Variants in PTK2 observed in about 807,000 individuals in gnomAD.
PTK2 encodes the protein protein tyrosine kinase 2, also known as focal adhesion kinase 1.
In PTK2, 45 loss-of-function variants were observed where a neutral mutation model predicts 150.1. The ratio of observed to expected loss-of-function variants is 0.30; its 90% confidence interval spans 0.24 to 0.38. The LOEUF is 0.38. Ranked by LOEUF, PTK2 falls within the 10% of genes least tolerant of loss-of-function variation. The probability of loss-of-function intolerance (pLI) is 1.00; values close to 1 mark genes in which losing one functional copy is unlikely to be tolerated. For missense variants in PTK2, 919 were observed against 1,307.3 expected (o/e 0.70, Z 4.58); for synonymous variants, 432 against 449.2 (o/e 0.96, Z 0.48).
At chr8:140,675,385 G>T in intron 28 of PTK2, 75 bp downstream of exon 31, 1 of 1,491,424 alleles carries the variant, frequency 6.7e-7, no homozygotes, top group Non-Finnish European at 9.3e-7. Context: ...CCAAAGCTAC[G>T]ACACTATATA....
intron 2 of PTK2, among the ~76,000 whole-genome samples, chr8:140,911,183 A>G (rs1327611001): frequency 6.6e-6 from 1 of 151,698 alleles, no homozygotes; most frequent in Non-Finnish European, 1.5e-5. Context: ...GAGCCACAGC[A>G]CCCAGCACTT....
chr8:140,774,329 G>A (rs1383841655), intron 14 of PTK2, among the ~76,000 whole-genome samples: 1 of 152,200 alleles, frequency 6.6e-6, no homozygotes, highest in Non-Finnish European at 1.5e-5. Flanking sequence ...GGTTATAACT[G>A]CAGAGGGCTA....
intron 22 of PTK2, among the ~76,000 whole-genome samples, chr8:140,733,054 T>C (rs1200601969): frequency 1.3e-5 from 2 of 152,182 alleles, no homozygotes; most frequent in Admixed American, 1.3e-4. Flanking sequence ...GAAAGTTGTT[T>C]TGACCAGGGG....
At chr8:140,921,451 CTT>C (rs978441848) in intron 2 of PTK2, among the ~76,000 whole-genome samples, 2 of 152,130 alleles carry the variant, frequency 1.3e-5, no homozygotes, top group Non-Finnish European at 2.9e-5. Flanking sequence ...AAAGTCATGC[CTT>C]TGTCATTTTA....
At chr8:140,890,544 C>G (rs752213271) in exon 3 of PTK2, 1 of 1,612,806 alleles carries the variant, frequency 6.2e-7, no homozygotes, top group South Asian at 1.1e-5. Flanking sequence ...CGTACTTACC[C>G]TGACATCAGT....
chr8:140,866,082 C>T (rs934143851), intron 4 of PTK2, among the ~76,000 whole-genome samples: 3 of 152,204 alleles, frequency 2.0e-5, no homozygotes, highest in Non-Finnish European at 2.9e-5. Context: ...TGAGCCACCA[C>T]ATCTGGCCTG....
At chr8:140,731,329 T>C (rs1248862377) in intron 22 of PTK2, among the ~76,000 whole-genome samples, 3 of 152,200 alleles carry the variant, frequency 2.0e-5, no homozygotes, top group Non-Finnish European at 4.4e-5. Context: ...ACAAAAATGC[T>C]AGAGTACGCA....
chr8:140,688,126 A>C (rs2100021059), intron 26 of PTK2, among the ~76,000 whole-genome samples: 1 of 152,190 alleles, frequency 6.6e-6, no homozygotes, highest in Non-Finnish European at 1.5e-5. Flanking sequence ...ACATTCTAAT[A>C]ATCAGAGGCA....
exon 9 of PTK2, chr8:140,818,963 T>G: frequency 1.2e-6 from 2 of 1,613,650 alleles, no homozygotes; most frequent in East Asian, 2.2e-5. Flanking sequence ...CTTTCTTCTC[T>G]ATTAAGGTTG....
chr8:140,698,924 A>ATTTTT (rs10713722), intron 26 of PTK2, among the ~76,000 whole-genome samples: 8 of 96,180 alleles, frequency 8.3e-5, no homozygotes, highest in South Asian at 3.7e-4. Context: ...TAATTTTTGT[A>ATTTTT]TTTTTTTTTT....
At chr8:140,835,070 G>C (rs2100117892) in intron 7 of PTK2, among the ~76,000 whole-genome samples, 1 of 152,174 alleles carries the variant, frequency 6.6e-6, no homozygotes, top group Admixed American at 6.5e-5. Context: ...ACCTGCACCA[G>C]CTGACTGCCA....
chr8:140,859,357 T>C (rs547581967), intron 5 of PTK2, among the ~76,000 whole-genome samples: 10 of 152,212 alleles, frequency 6.6e-5, no homozygotes, highest in South Asian at 2.1e-4. Flanking sequence ...ATCTGAGCAG[T>C]AGGGTCATGG....
intron 22 of PTK2, among the ~76,000 whole-genome samples, chr8:140,722,183 G>A (rs921468918): frequency 6.6e-6 from 1 of 152,188 alleles, no homozygotes; most frequent in Non-Finnish European, 1.5e-5. Flanking sequence ...TTATTGCTCA[G>A]GCTGGTCTCA....
chr8:140,846,508 C>T, intron 6 of PTK2, 91 bp downstream of exon 6: 1 of 1,208,812 alleles, frequency 8.3e-7, no homozygotes, highest in East Asian at 2.5e-5. Context: ...CACTGATAAT[C>T]CTTATGAAGA....
At chr8:140,676,784 A>AAAAAAAAAAAAAAAAAG (rs2100014092) in intron 27 of PTK2, among the ~76,000 whole-genome samples, 1 of 146,370 alleles carries the variant, frequency 6.8e-6, no homozygotes, top group African/African-American at 2.6e-5. Context: ...AAAAAAAAAA[A>AAAAAAAAAAAAAAAAAG]AAAAATAGCC....
intron 10 of PTK2, among the ~76,000 whole-genome samples, chr8:140,815,315 AC>A (rs919175763): frequency 5.2e-4 from 79 of 152,256 alleles, no homozygotes; most frequent in African/African-American, 1.8e-3. Flanking sequence ...GGAATAGAAA[AC>A]TAAATACTGC....
At chr8:140,992,573 G>A (rs1257693817) in intron 1 of PTK2, among the ~76,000 whole-genome samples, 1 of 152,190 alleles carries the variant, frequency 6.6e-6, no homozygotes, top group African/African-American at 2.4e-5. Context: ...CAAGTTTCTA[G>A]ATGATAGTGA....
Position 140,712,950 on chromosome 8 carries a change from G to A in PTK2, c.2142+4648C>T, listed in dbSNP as rs996420524. On this transcript the variant is annotated intron_variant, in intron 23 of 31. Coordinates refer to ENST00000522684, the Ensembl canonical transcript of PTK2. ...ACTCTGAACAGTATGTCTGCCAGCT[G>A]TTCTTTCAAGTAAAGCTGGTCTTCC... 7.9e-5 allele frequency among the ~76,000 whole-genome samples: 12 copies of A among 152,274 alleles called. No homozygotes were observed. The South Asian group carries it at 1.2e-3, about 16-fold the overall frequency.
intron 2 of PTK2, among the ~76,000 whole-genome samples, chr8:140,924,099 A>T (rs1478284877): frequency 6.6e-6 from 1 of 152,062 alleles, no homozygotes; most frequent in Non-Finnish European, 1.5e-5. Context: ...ATCGCCAAGG[A>T]TCCCCTAGTT....
Sources: allele counts gnomAD v4.1 joint callset (sites outside exome capture counted in the v4.1 genomes callset), GRCh38; gene constraint gnomAD v4.1.1; transcripts MANE v1.5; gene names NCBI Gene and HGNC (gene_info 2026-07-23, HGNC 2026-07-21).